The following PCDHGC3 variants were observed in gnomAD, a reference collection of about 807,000 sequenced individuals.
The protein encoded by PCDHGC3 is protocadherin gamma subfamily C, 3, also known as protocadherin gamma-C3.
Under a neutral mutation model 59.2 loss-of-function variants are expected in PCDHGC3, and 26 were observed. The observed-to-expected ratio is 0.44, with a 90% confidence interval of 0.32 to 0.61. PCDHGC3 has a LOEUF of 0.61. Ranked by LOEUF, PCDHGC3 falls within the 20% of genes least tolerant of loss-of-function variation. The probability of loss-of-function intolerance (pLI) is 0.05; values close to 1 mark genes in which losing one functional copy is unlikely to be tolerated. For missense variants in PCDHGC3, 1,080 were observed against 1,221.8 expected (o/e 0.88, Z 1.73); for synonymous variants, 487 against 519.7 (o/e 0.94, Z 0.86).
At position 141,485,565 on chromosome 5, in the gene PCDHGC3, C is replaced by T. The variant is rs1213821989; in HGVS notation, c.2430+7019C>T. The T allele has an allele frequency of 2.5e-6, 4 of 1,612,946 alleles. No homozygotes were observed. Among genetic ancestry groups the T allele is most frequent in the Non-Finnish European group, 2.5e-6 (3 of 1,179,042 alleles). On this transcript the variant is annotated intron_variant, in intron 1 of 3. Coordinates refer to ENST00000308177, the MANE Select transcript of PCDHGC3 (RefSeq NM_002588.4). The surrounding 1 kb of genome is among the most constrained non-coding windows in gnomAD (Gnocchi z 5.7). ...ATCGTAGATGTGAATGATCACGCCCCCCGTTTTCCGCGGCAGCAGCTGGAC... is the reference window on the plus strand; with the variant it reads ...ATCGTAGATGTGAATGATCACGCCCTCCGTTTTCCGCGGCAGCAGCTGGAC...
intron 2 of PCDHGC3, among the ~76,000 whole-genome samples, chr5:141,502,067 CCTTCACCTGGGG>C (rs1307097799): frequency 6.6e-6 from 1 of 152,172 alleles, no homozygotes; most frequent in Non-Finnish European, 1.5e-5. Flanking sequence ...CCATTAGCCC[CCTTCACCTGGGG>C]CTGAGAACAC....
At chr5:141,479,651 C>CAAA (rs931031810) in intron 1 of PCDHGC3, 2 of 152,124 alleles carry the variant, frequency 1.3e-5, no homozygotes, top group African/African-American at 2.4e-5. Flanking sequence ...ACAACAACAA[C>CAAA]AATCCCAGAA....
chr5:141,484,941 C>T (rs2099604065), intron 1 of PCDHGC3: 2 of 543,888 alleles, frequency 3.7e-6, no homozygotes, highest in East Asian at 6.3e-5. Context: ...ACGTTCTCTG[C>T]TCAGCCTATT....
intron 3 of PCDHGC3, 56 bp from the exon 4 acceptor site, chr5:141,510,891 G>A (rs945706652): frequency 8.7e-6 from 14 of 1,612,762 alleles, no homozygotes; most frequent in Middle Eastern, 1.6e-4. Flanking sequence ...ATATAAGACA[G>A]TGACTGTTGA....
chr5:141,505,362 G>A (rs766427680), intron 2 of PCDHGC3, 31 bp from the exon 3 acceptor site: 1 of 1,613,966 alleles, frequency 6.2e-7, no homozygotes, highest in Non-Finnish European at 8.5e-7. Flanking sequence ...CGGCCTGGGA[G>A]TCTGTGCTCA....
intron 3 of PCDHGC3, among the ~76,000 whole-genome samples, chr5:141,505,782 T>A (rs1163025757): frequency 6.6e-6 from 1 of 152,204 alleles, no homozygotes; most frequent in Non-Finnish European, 1.5e-5. Context: ...CTAGCTCTGC[T>A]ACTATCCTTG....
intron 3 of PCDHGC3, among the ~76,000 whole-genome samples, chr5:141,510,375 G>A (rs980966602): frequency 3.4e-5 from 5 of 148,132 alleles, no homozygotes; most frequent in East Asian, 2.0e-4. Context: ...ATCTCTACTC[G>A]TGCCAGGCCT....
intron 3 of PCDHGC3, among the ~76,000 whole-genome samples, chr5:141,510,531 T>C (rs1459536719): frequency 6.6e-6 from 1 of 152,078 alleles, no homozygotes; most frequent in Non-Finnish European, 1.5e-5. Context: ...CTGAGAGAAA[T>C]ACCAGCGAAT....
At position 141,497,209 on chromosome 5, in the gene PCDHGC3, T is replaced by TG. The variant is rs11343387; in HGVS notation, c.2489+2353dup. On this transcript the variant is annotated intron_variant, in intron 2 of 3. Coordinates refer to ENST00000308177, the MANE Select transcript of PCDHGC3 (RefSeq NM_002588.4). ...GAGGCAGAGAACAATGTGAGTGTAA[T>TG]GGGGGGGGGAAGATCAGAGAAGGCT... Among the ~76,000 whole-genome samples the TG allele has an allele frequency of 1.3e-3, 196 of 151,342 alleles. 1 individual carries two copies. The South Asian group carries it at 0.02, about 15-fold the overall frequency.
chr5:141,497,544 T>C (rs1410779650), intron 2 of PCDHGC3, among the ~76,000 whole-genome samples: 4 of 150,796 alleles, frequency 2.7e-5, no homozygotes, highest in African/African-American at 9.8e-5. Flanking sequence ...ACAAACCTTT[T>C]TTTTTTTTTT....
In PCDHGC3 at chr5:141,476,374, GTTTGTGAACGACCGTC is replaced by G. The variant is rs1424626307; in HGVS notation, c.260_275del (p.Phe87TrpfsTer15). 1 of 1,614,060 alleles carries G rather than the reference GTTTGTGAACGACCGTC, an allele frequency of 6.2e-7. No individual in the cohort carries two copies. The highest frequency in any genetic ancestry group is 1.3e-5 in the African/African-American group (1 of 74,922). Reference sequence around the variant, plus strand: ...AGGTGAACCGGGAGACCGGAGAGATGTTTGTGAACGACCGTCTGGATCGAGAGGAGCTGTGTGGGAC... The same window carrying G: ...AGGTGAACCGGGAGACCGGAGAGATGTGGATCGAGAGGAGCTGTGTGGGAC... On this transcript the variant is annotated frameshift_variant, in exon 1 of 4. Coordinates refer to ENST00000308177, the MANE Select transcript of PCDHGC3 (RefSeq NM_002588.4). LOFTEE classifies it high-confidence loss of function. The surrounding 1 kb of genome is among the most constrained non-coding windows in gnomAD (Gnocchi z 7.6).
At position 141,489,094 on chromosome 5, in the gene PCDHGC3, G is replaced by GAAA. The variant is rs2154581134; in HGVS notation, c.2431-5711_2431-5710insAAA. On this transcript the variant is annotated intron_variant, in intron 1 of 3. Coordinates refer to ENST00000308177, the MANE Select transcript of PCDHGC3 (RefSeq NM_002588.4). The surrounding 1 kb of genome is among the most constrained non-coding windows in gnomAD (Gnocchi z 4.5). ...CCCACCCCCGCCACTCGGTGACTAA[G>GAAA]AACTGCTGCAAGCAGGCAAACCTCC... The GAAA allele has an allele frequency of 5.1e-6, 2 of 396,028 alleles. No homozygotes were observed. Among genetic ancestry groups the GAAA allele is most frequent in the South Asian group, 4.8e-5 (1 of 20,814 alleles). The allele number at this position is 396,028 out of a possible 1,614,324, so 24.5% of individuals were successfully genotyped here.
Position 141,486,058 on chromosome 5 carries a change from G to A in PCDHGC3, c.2430+7512G>A. On this transcript the variant is annotated intron_variant, in intron 1 of 3. Transcript: ENST00000308177. The surrounding 1 kb of genome is among the most constrained non-coding windows in gnomAD (Gnocchi z 5.0). The stretch of plus-strand genomic sequence containing the variant: ...ATCGTGTAAGAAACCTCTTTAGCCT[G>A]CACCCCACTACTGGAAAGCTTACTC... The A allele has an allele frequency of 6.2e-7, 1 of 1,614,122 alleles. No homozygotes were observed. The highest frequency in any genetic ancestry group is 8.5e-7 in the Non-Finnish European group (1 of 1,180,012).
Position 141,485,298 on chromosome 5 carries a change from G to A in PCDHGC3, c.2430+6752G>A, listed in dbSNP as rs1562104502. 1 of 1,613,978 alleles carries A rather than the reference G, an allele frequency of 6.2e-7. No individual in the cohort carries two copies. On this transcript the variant is annotated intron_variant, in intron 1 of 3. Coordinates refer to ENST00000308177, the MANE Select transcript of PCDHGC3 (RefSeq NM_002588.4). This position sits in a 1 kb window ranked among gnomAD's most constrained non-coding sequence, Gnocchi z 5.7. ...CCGGTCCCAGAGGAGTCACAGGAAG[G>A]GACTTTTGTAGGGAATGTCGCTCAA...
In PCDHGC3 at chr5:141,486,092, C is replaced by A; in HGVS notation, c.2430+7546C>A. Reference sequence around the variant, plus strand: ...TACTGGAAAGCTTACTCTTTTGGGGCCCCTAGACTTTGAGAGTGAGAATTA... The same window carrying A: ...TACTGGAAAGCTTACTCTTTTGGGGACCCTAGACTTTGAGAGTGAGAATTA... On this transcript the variant is annotated intron_variant, in intron 1 of 3. Coordinates refer to ENST00000308177, the MANE Select transcript of PCDHGC3 (RefSeq NM_002588.4). The surrounding 1 kb of genome is among the most constrained non-coding windows in gnomAD (Gnocchi z 5.0). 1.9e-6 allele frequency: 3 copies of A among 1,614,148 alleles called. No individual in the cohort carries two copies. Among genetic ancestry groups the A allele is most frequent in the Non-Finnish European group, 2.5e-6 (3 of 1,180,008 alleles).
At position 141,491,462 on chromosome 5, in the gene PCDHGC3, T is replaced by C; in HGVS notation, c.2431-3345T>C. 1.2e-6 allele frequency: 2 copies of C among 1,614,004 alleles called. No individual in the cohort carries two copies. The highest frequency in any genetic ancestry group is 1.7e-6 in the Non-Finnish European group (2 of 1,179,978). ...CGCCAGGACTCACCCTCCCCGGACT[T>C]CTATAAGCAGTCCAGCCCCAACCTG... On this transcript the variant is annotated intron_variant, in intron 1 of 3. Coordinates refer to ENST00000308177, the MANE Select transcript of PCDHGC3 (RefSeq NM_002588.4). This position sits in a 1 kb window ranked among gnomAD's most constrained non-coding sequence, Gnocchi z 6.9.
chr5:141,503,608 A>AAAAAAAG (rs1483073868), intron 2 of PCDHGC3, among the ~76,000 whole-genome samples: 1 of 151,994 alleles, frequency 6.6e-6, no homozygotes, highest in East Asian at 1.9e-4. Flanking sequence ...CAAAAAAAAA[A>AAAAAAAG]AAAAAAGAAA....
chr5:141,511,373 G>T lies in PCDHGC3; in HGVS notation c.*200G>T. On this transcript the variant is annotated 3_prime_UTR_variant, in exon 4 of 4. Transcript: ENST00000308177. ...CCCCCAGGGGGTTGAATATGCAAAA[G>T]CAGTTCCGCTGGGAACCCCCATCCA... 8.0e-7 allele frequency: 1 copy of T among 1,251,332 alleles called. No homozygotes were observed. The highest frequency in any genetic ancestry group is 1.6e-5 in the South Asian group (1 of 63,796). The allele number at this position is 1,251,332 out of a possible 1,614,324, so 77.5% of individuals were successfully genotyped here.
Position 141,477,044 on chromosome 5 carries a change from C to T in PCDHGC3, c.928C>T (p.Leu310=), listed in dbSNP as rs750525889. ...CGGGATGCTGACAATCAAGGGTCGG[C>T]TGGACTTCGAGGACACCAAACTCCA... The part of the protein sequence containing the change: ...VTGMLTIKGR[L]DFEDTKLHEI... Residue 310 remains leucine (L), a synonymous_variant, in exon 1 of 4, where the codon CTG becomes TTG. Coordinates refer to ENST00000308177, the MANE Select transcript of PCDHGC3 (RefSeq NM_002588.4). The surrounding 1 kb of genome is among the most constrained non-coding windows in gnomAD (Gnocchi z 4.9). 6.2e-7 allele frequency: 1 copy of T among 1,614,246 alleles called. No individual in the cohort carries two copies. Among genetic ancestry groups the T allele is most frequent in the Non-Finnish European group, 8.5e-7 (1 of 1,180,034 alleles).
Sources: allele counts gnomAD v4.1 joint callset (sites outside exome capture counted in the v4.1 genomes callset), GRCh38; gene constraint gnomAD v4.1.1; non-coding constraint Gnocchi (gnomAD v3.1); transcripts MANE v1.5; gene names NCBI Gene and HGNC (gene_info 2026-07-23, HGNC 2026-07-21).